TF: variants seen among roughly 807,000 people sequenced by gnomAD.
TF encodes the protein serotransferrin.
A neutral mutation model predicts 82.4 loss-of-function variants in TF; 55 were observed. The observed-to-expected ratio is 0.67, with a 90% CI of 0.54 to 0.84. TF has a LOEUF of 0.84. TF is among the 40% of genes least tolerant of loss of function. The pLI is 0.00. For synonymous variants in TF, 332 were observed against 332.6 expected (o/e 1.00, Z 0.02); for missense variants, 737 against 868.4 (o/e 0.85, Z 1.90).
At chr3:133,691,536 G>A in the TF span, among the ~76,000 whole-genome samples, 1 of 152,180 alleles carries the variant, frequency 6.6e-6, no homozygotes, top group Non-Finnish European at 1.5e-5. Context: ...TACACGAGAT[G>A]GTAGTTTGAA....
chr3:133,743,318 G>T (rs1933428041), upstream of TF, among the ~76,000 whole-genome samples: 1 of 152,124 alleles, frequency 6.6e-6, no homozygotes, highest in African/African-American at 2.4e-5. Flanking sequence ...CATGTCTAAG[G>T]ATCTGCAGTT....
At chr3:133,683,235 G>A in the TF span, among the ~76,000 whole-genome samples, 1 of 152,158 alleles carries the variant, frequency 6.6e-6, no homozygotes, top group Non-Finnish European at 1.5e-5. Flanking sequence ...ACCGGTACCA[G>A]CCACTGCAAA....
At chr3:133,696,485 T>C in the TF span, among the ~76,000 whole-genome samples, 2 of 152,356 alleles carry the variant, frequency 1.3e-5, no homozygotes, top group South Asian at 4.1e-4. Context: ...GGTGGGACTC[T>C]GCTGTATTTG....
At chr3:133,691,329 T>C in the TF span, among the ~76,000 whole-genome samples, 15,408 of 152,212 alleles carry the variant, frequency 0.1, 815 homozygotes, top group Middle Eastern at 0.18. Flanking sequence ...TGCATTCACT[T>C]ACGTACCCAA....
chr3:133,663,352 T>TTA, the TF span, among the ~76,000 whole-genome samples: 1 of 4,766 alleles, frequency 2.1e-4, no homozygotes, highest in African/African-American at 8.7e-4. Flanking sequence ...ATATCATTAA[T>TTA]TTTTTTTTTT....
In TF at chr3:133,779,127, C is replaced by A. The variant is rs1041860061; in HGVS notation, c.*507C>A. ...GTGAGTACAGAAAGACTACAGAAGA[C>A]TTACCTTTATTTGGTATTTTAAATG... On this transcript the variant is annotated 3_prime_UTR_variant, in exon 17 of 17. Transcript: ENST00000402696. 1 of 156,564 alleles carries A rather than the reference C, an allele frequency of 6.4e-6. No individual in the cohort carries two copies. Among genetic ancestry groups the A allele is most frequent in the African/African-American group, 2.4e-5 (1 of 41,468 alleles). 9.7% of individuals were successfully genotyped at this position (156,564 alleles called of 1,614,324 possible).
chr3:133,700,718 CT>C, the TF span, among the ~76,000 whole-genome samples: 1 of 152,222 alleles, frequency 6.6e-6, no homozygotes, highest in Non-Finnish European at 1.5e-5. Context: ...CTGAGGAGAG[CT>C]TTCCCTCACC....
At chr3:133,756,238 G>A (rs1036303532) in intron 5 of TF, 44 bp from the exon 6 acceptor site, 19 of 1,598,248 alleles carry the variant, frequency 1.2e-5, no homozygotes, top group Non-Finnish European at 1.5e-5. Context: ...GCAGGAGAAG[G>A]GCCTGCCCTG....
chr3:133,706,552 G>A, the TF span, among the ~76,000 whole-genome samples: 2 of 152,132 alleles, frequency 1.3e-5, no homozygotes, highest in Non-Finnish European at 2.9e-5. Context: ...CTAGATCTGA[G>A]TCAGAAGCTC....
In TF at chr3:133,777,062, G is replaced by A; in HGVS notation, c.1886G>A (p.Ser629Asn). 1 of 1,614,160 alleles carries A rather than the reference G, an allele frequency of 6.2e-7. No homozygotes were observed. The highest frequency in any genetic ancestry group is 8.5e-7 in the Non-Finnish European group (1 of 1,180,022). Residue 629 changes from serine to asparagine, a missense_variant, in exon 16 of 17, where the codon AGC (serine) becomes AAC (asparagine). By Grantham distance (46) the Ser-to-Asn change is conservative. Transcript: ENST00000402696. ...TTCACTTGACAGCACCTATTTGGAA[G>A]CAACGTAACTGACTGCTCGGGCAAC... Reference protein sequence around the residue: ...ILRQQQHLFGSNVTDCSGNFC... With the variant: ...ILRQQQHLFGNNVTDCSGNFC...
chr3:133,693,854 G>A, the TF span, among the ~76,000 whole-genome samples: 695 of 152,332 alleles, frequency 4.6e-3, 2 homozygotes, highest in Non-Finnish European at 6.5e-3. Context: ...TCCAGCCTCC[G>A]TGTGGGTGAA....
chr3:133,762,704 A>T (rs1934027248), intron 9 of TF, among the ~76,000 whole-genome samples: 1 of 152,184 alleles, frequency 6.6e-6, no homozygotes, highest in Admixed American at 6.5e-5. Context: ...AAAGTTTGAA[A>T]ATCTATTAAA....
At chr3:133,685,152 A>T in the TF span, among the ~76,000 whole-genome samples, 1 of 152,230 alleles carries the variant, frequency 6.6e-6, no homozygotes, top group Admixed American at 6.5e-5. Context: ...AAAATTCAAC[A>T]GCCCTTCATG....
chr3:133,738,263 C>A, the TF span, among the ~76,000 whole-genome samples: 1 of 152,116 alleles, frequency 6.6e-6, no homozygotes, highest in Admixed American at 6.5e-5. Flanking sequence ...AATTCAACAC[C>A]CTTTCATGCT....
the TF span, among the ~76,000 whole-genome samples, chr3:133,724,388 G>T: frequency 6.6e-6 from 1 of 152,166 alleles, no homozygotes; most frequent in African/African-American, 2.4e-5. Context: ...GTTTTGATTT[G>T]CATTTCTCTG....
At position 133,789,282 on chromosome 3, in the gene TF, TGCATGTATCCAG is replaced by T. The variant is rs1934768912; in HGVS notation, c.*10665_*10676del. 2 of 152,314 alleles carry T rather than the reference TGCATGTATCCAG, an allele frequency of 1.3e-5. No homozygotes were observed. Among genetic ancestry groups the T allele is most frequent in the Admixed American group, 1.3e-4 (2 of 15,292 alleles). 9.4% of individuals were successfully genotyped at this position (152,314 alleles called of 1,614,324 possible). A position where few individuals can be genotyped will look rare whatever the true frequency, so the allele number is the denominator to read the frequency against. The stretch of plus-strand genomic sequence containing the variant: ...GTTGAATGGGAAAGCGGGATGCAGT[TGCATGTATCCAG>T]GCTTTGGTGCTGCTGTTCTAAGCAG... On this transcript the variant is annotated 3_prime_UTR_variant, in exon 17 of 17. Transcript: ENST00000402696.
rs754426435 is a variant in TF, at chr3:133,775,630, C to T, written c.1872+13C>T. 4 of 1,613,466 alleles carry T rather than the reference C, an allele frequency of 2.5e-6. No individual in the cohort carries two copies. In the Admixed American group the frequency reaches 5.0e-5, roughly 20 times the overall value. On this transcript the variant is annotated intron_variant, in intron 15 of 16. Coordinates refer to ENST00000402696, the MANE Select transcript of TF (RefSeq NM_001063.4). Reference sequence around the variant, plus strand: ...ACGTCAACAGCAGGTATGGACCAGCCAGGTCCTCCCACCTTTTCTTCCTAG... The same window carrying T: ...ACGTCAACAGCAGGTATGGACCAGCTAGGTCCTCCCACCTTTTCTTCCTAG...
At position 133,746,494 on chromosome 3, in the gene TF, G is replaced by T; in HGVS notation, c.43+11G>T. On this transcript the variant is annotated intron_variant, in intron 1 of 16. Coordinates refer to ENST00000402696, the MANE Select transcript of TF (RefSeq NM_001063.4). ...TCTGCGCCGTCCTGGGTGAGTGCGG[G>T]CACGGGGTAGCACCGCAGAGTCGCT... 1 of 1,593,160 alleles carries T rather than the reference G, an allele frequency of 6.3e-7. No individual in the cohort carries two copies. The highest frequency in any genetic ancestry group is 8.5e-7 in the Non-Finnish European group (1 of 1,175,302).
chr3:133,769,171 A>G (rs146002514), intron 13 of TF, among the ~76,000 whole-genome samples: 19 of 152,322 alleles, frequency 1.2e-4, no homozygotes, highest in East Asian at 1.2e-3. Context: ...GAACTGCACA[A>G]TGATGATGGT....
Sources: allele counts gnomAD v4.1 joint callset (sites outside exome capture counted in the v4.1 genomes callset), GRCh38; gene constraint gnomAD v4.1.1; transcripts MANE v1.5; gene names NCBI Gene and HGNC (gene_info 2026-07-23, HGNC 2026-07-21).